Variants in RPS6KC1 observed in about 807,000 individuals in gnomAD.
RPS6KC1 encodes inactive ribosomal protein S6 kinase delta-1.
A neutral mutation model predicts 103.8 loss-of-function variants in RPS6KC1; 54 were observed. The observed-to-expected ratio is 0.52, with a 90% CI of 0.42 to 0.65. RPS6KC1 has a LOEUF of 0.65. RPS6KC1 is among the 30% of genes least tolerant of loss of function. The pLI is 0.00. For missense variants in RPS6KC1, 1,151 were observed against 1,253.8 expected (o/e 0.92, Z 1.24); for synonymous variants, 439 against 438.7 (o/e 1.00, Z -0.01).
chr1:213,354,188 C>T, the RPS6KC1 span, among the ~76,000 whole-genome samples: 1 of 152,132 alleles, frequency 6.6e-6, no homozygotes, highest in East Asian at 1.9e-4. Flanking sequence ...TAGGATCTAC[C>T]CTAAGGGTTT....
At chr1:213,787,390 G>A in the RPS6KC1 span, among the ~76,000 whole-genome samples, 14 of 152,340 alleles carry the variant, frequency 9.2e-5, no homozygotes, top group South Asian at 1.9e-3. Flanking sequence ...GAGGAGGAAA[G>A]CTCTTCAAGG....
chr1:213,768,382 G>A, the RPS6KC1 span, among the ~76,000 whole-genome samples: 842 of 150,160 alleles, frequency 5.6e-3, 17 homozygotes, highest in African/African-American at 0.018. Flanking sequence ...TTTTCAGGGA[G>A]AAAAAAAAAT....
chr1:213,272,403 G>A, intron 14 of RPS6KC1, 121 bp from the exon 15 acceptor site: 1 of 705,858 alleles, frequency 1.4e-6, no homozygotes, highest in South Asian at 1.7e-5. Context: ...TGGTCACTTG[G>A]CTATTAATCA....
the RPS6KC1 span, among the ~76,000 whole-genome samples, chr1:213,297,270 C>G: frequency 1.3e-5 from 2 of 152,138 alleles, no homozygotes; most frequent in Admixed American, 1.3e-4. Flanking sequence ...TGACTGAATA[C>G]GGGTCTGCAT....
chr1:213,488,998 C>T, the RPS6KC1 span, among the ~76,000 whole-genome samples: 1 of 152,160 alleles, frequency 6.6e-6, no homozygotes, highest in Non-Finnish European at 1.5e-5. Flanking sequence ...TTCCCCTTAA[C>T]ATGATCACAC....
Position 213,051,309 on chromosome 1 carries a change from C to A in RPS6KC1, c.-96C>A. On this transcript the variant is annotated 5_prime_UTR_variant, in exon 1 of 15. Coordinates refer to ENST00000366960, the MANE Select transcript of RPS6KC1 (RefSeq NM_012424.6). ...CGCCTTGGAGCCACCGCCCCCTCGC[C>A]GCTTCGCCGCTGCGTTGGGGAACCT... 2 of 881,540 alleles carry A rather than the reference C, an allele frequency of 2.3e-6. No individual in the cohort carries two copies. Among genetic ancestry groups the A allele is most frequent in the Non-Finnish European group, 3.6e-6 (2 of 553,520 alleles). 54.6% of individuals were successfully genotyped at this position (881,540 alleles called of 1,614,324 possible).
chr1:213,766,744 T>C, the RPS6KC1 span, among the ~76,000 whole-genome samples: 1 of 152,136 alleles, frequency 6.6e-6, no homozygotes, highest in African/African-American at 2.4e-5. Context: ...ATTACTCCTG[T>C]TCCTACCTCT....
chr1:213,052,390 C>T (rs1196801347), intron 1 of RPS6KC1, among the ~76,000 whole-genome samples: 4 of 152,110 alleles, frequency 2.6e-5, no homozygotes, highest in Non-Finnish European at 1.5e-5. Context: ...AAGGCAGTAG[C>T]AGATCTGTCT....
chr1:213,840,027 A>G, the RPS6KC1 span: 8 of 152,152 alleles, frequency 5.3e-5, no homozygotes, highest in African/African-American at 1.9e-4. Context: ...GCAAGTGGAC[A>G]ATACATCGAC....
the RPS6KC1 span, among the ~76,000 whole-genome samples, chr1:213,726,897 C>A: frequency 6.6e-6 from 1 of 152,166 alleles, no homozygotes; most frequent in Non-Finnish European, 1.5e-5. Context: ...GCAAATAAAC[C>A]CAGTGGCTTA....
the RPS6KC1 span, among the ~76,000 whole-genome samples, chr1:213,841,588 C>T: frequency 6.6e-6 from 1 of 152,180 alleles, no homozygotes; most frequent in East Asian, 1.9e-4. Flanking sequence ...TCTGAGTCTC[C>T]TCACTTCCTC....
the RPS6KC1 span, among the ~76,000 whole-genome samples, chr1:213,764,103 A>G: frequency 6.6e-6 from 1 of 152,216 alleles, no homozygotes; most frequent in Non-Finnish European, 1.5e-5. Flanking sequence ...CATTGGCACA[A>G]TATTTGTCGA....
chr1:213,401,710 TCTTAC>T, the RPS6KC1 span, among the ~76,000 whole-genome samples: 1 of 152,218 alleles, frequency 6.6e-6, no homozygotes, highest in African/African-American at 2.4e-5. Context: ...ATCCCTGAGC[TCTTAC>T]CTTTGTATCA....
the RPS6KC1 span, among the ~76,000 whole-genome samples, chr1:213,398,534 C>G: frequency 6.6e-6 from 1 of 152,078 alleles, no homozygotes; most frequent in African/African-American, 2.4e-5. Context: ...TGTCACACTT[C>G]CTTTTCACCT....
the RPS6KC1 span, among the ~76,000 whole-genome samples, chr1:213,532,082 C>A: frequency 6.6e-6 from 1 of 152,200 alleles, no homozygotes; most frequent in East Asian, 1.9e-4. Flanking sequence ...GCTAGCAGCG[C>A]TTACGGCCTT....
chr1:213,069,639 C>T (rs2078685425), intron 1 of RPS6KC1, among the ~76,000 whole-genome samples: 3 of 152,192 alleles, frequency 2.0e-5, no homozygotes. Context: ...CTTCCTCACA[C>T]TCCTAGGCAA....
the RPS6KC1 span, among the ~76,000 whole-genome samples, chr1:213,683,926 A>G: frequency 6.6e-6 from 1 of 152,146 alleles, no homozygotes; most frequent in Admixed American, 6.5e-5. Context: ...CTTTCCAGGC[A>G]CCACTTTATA....
the RPS6KC1 span, among the ~76,000 whole-genome samples, chr1:213,350,890 G>A: frequency 1.4e-3 from 206 of 151,906 alleles, 2 homozygotes; most frequent in African/African-American, 4.5e-3. Flanking sequence ...ATTCACACAC[G>A]TATATAAAAT....
the RPS6KC1 span, among the ~76,000 whole-genome samples, chr1:213,470,411 A>G: frequency 6.6e-6 from 1 of 152,066 alleles, no homozygotes. Context: ...TAGTGGTTTG[A>G]CCGGATTGAA....
Sources: allele counts gnomAD v4.1 joint callset (sites outside exome capture counted in the v4.1 genomes callset), GRCh38; gene constraint gnomAD v4.1.1; transcripts MANE v1.5; gene names NCBI Gene and HGNC (gene_info 2026-07-23, HGNC 2026-07-21).